OXNAD1: variants seen among roughly 807,000 people sequenced by gnomAD.
OXNAD1 encodes oxidoreductase NAD-binding domain-containing protein 1.
In OXNAD1, 34 loss-of-function variants were observed where a neutral mutation model predicts 32.9. That is an observed-to-expected ratio of 1.03 (90% CI 0.79 to 1.38). The LOEUF is 1.38. Ranked by LOEUF, OXNAD1 falls within the 40% of genes most tolerant of loss-of-function variation. The probability of loss-of-function intolerance (pLI) is 0.00; values close to 1 mark genes in which losing one functional copy is unlikely to be tolerated. For synonymous variants in OXNAD1, 134 were observed against 135.2 expected (o/e 0.99, Z 0.06); for missense variants, 407 against 379.4 (o/e 1.07, Z -0.60).
rs1287345230 is a variant in OXNAD1 at position 16,348,700 on chromosome 3, C to A, written c.*31-476C>A. Among the ~76,000 whole-genome samples the A allele has an allele frequency of 1.3e-5, 2 of 152,212 alleles. No individual in the cohort carries two copies. Among genetic ancestry groups the A allele is most frequent in the Admixed American group, 1.3e-4 (2 of 15,292 alleles). On this transcript the variant is annotated intron_variant, in intron 9 of 9. Transcript: ENST00000606098. This position sits in a 1 kb window ranked among gnomAD's most constrained non-coding sequence, Gnocchi z 6.3. ...CAAAAAGTAGTCACTCTCTTTGAGC[C>A]TATGGAGTTTCCCAGTTCCCTGAGG... is the stretch of plus-strand genomic sequence containing the variant.
rs748436687 is a variant in OXNAD1, at chr3:16,317,241, C to T, written c.*30+13649C>T. ...GAGAATCGCCACTGAAACTAGAAAT[C>T]AGAAAGGATGGGGATAAATAACAAG... On this transcript the variant is annotated intron_variant, in intron 9 of 9. Transcript: ENST00000435829. The surrounding 1 kb of genome is among the most constrained non-coding windows in gnomAD (Gnocchi z 4.3). The T allele has an allele frequency of 3.1e-6, 5 of 1,610,700 alleles. No individual in the cohort carries two copies. The African/African-American group carries it at 5.4e-5, about 17-fold the overall frequency.
chr3:16,274,905 A>G (rs2065212236), intron 4 of OXNAD1, among the ~76,000 whole-genome samples: 1 of 152,362 alleles, frequency 6.6e-6, no homozygotes, highest in Admixed American at 6.5e-5. Context: ...AAAAATGAGC[A>G]TTTTAAGAAC....
rs894014333 is a variant in OXNAD1 at position 16,298,929 on chromosome 3, T to C, written c.433-2697T>C. 1.6e-4 allele frequency among the ~76,000 whole-genome samples: 24 copies of C among 152,328 alleles called. No homozygotes were observed. The highest frequency in any genetic ancestry group is 5.5e-4 in the African/African-American group (23 of 41,586). ...TTCGTGTTACCCTCGCAGTTTTTAT[T>C]GATCAACAAAAAGACAAAGATGGCT... On this transcript the variant is annotated intron_variant, in intron 6 of 8. Transcript: ENST00000285083. This position sits in a 1 kb window ranked among gnomAD's most constrained non-coding sequence, Gnocchi z 5.1.
intron 6 of OXNAD1, among the ~76,000 whole-genome samples, chr3:16,300,091 C>G (rs188723318): frequency 2.6e-5 from 4 of 152,212 alleles, no homozygotes; most frequent in Admixed American, 2.6e-4. Context: ...TCTTTTGACT[C>G]CTAGATCAGT....
At chr3:16,309,141 T>C (rs2067778611), downstream of OXNAD1, among the ~76,000 whole-genome samples, 2 of 151,634 alleles carry the variant, frequency 1.3e-5, no homozygotes, top group South Asian at 2.1e-4. Context: ...ATGTCTCTCT[T>C]TCTTTTAATA....
intron 2 of OXNAD1, 41 bp from the exon 3 acceptor site, chr3:16,270,904 T>C: frequency 6.2e-7 from 1 of 1,612,666 alleles, no homozygotes; most frequent in Non-Finnish European, 8.5e-7. Flanking sequence ...TTCCCCACTT[T>C]TAAAAAAACA....
chr3:16,328,676 G>A lies in OXNAD1; in HGVS notation c.*31-8436G>A, dbSNP rs112840546. On this transcript the variant is annotated intron_variant, in intron 9 of 9. Coordinates refer to the OXNAD1 transcript ENST00000435829. ...CTTGTTAGAAGCCCAGATTCTCAGGGCCCCATCCCAGACCTGATGAATCAG... is the reference window on the plus strand; with the variant it reads ...CTTGTTAGAAGCCCAGATTCTCAGGACCCCATCCCAGACCTGATGAATCAG... Among the ~76,000 whole-genome samples, 1,136 of 152,294 alleles carry A rather than the reference G, an allele frequency of 7.5e-3. 11 individuals are homozygous for A. The highest frequency in any genetic ancestry group is 0.026 in the African/African-American group (1,068 of 41,550).
Position 16,301,952 on chromosome 3 carries a change from C to G in OXNAD1, c.675+84C>G. 1.4e-5 allele frequency: 21 copies of G among 1,513,552 alleles called. No individual in the cohort carries two copies. The highest frequency in any genetic ancestry group is 1.7e-5 in the Non-Finnish European group (19 of 1,125,386). The allele number at this position is 1,513,552 out of a possible 1,614,324, so 93.8% of individuals were successfully genotyped here. On this transcript the variant is annotated intron_variant, in intron 7 of 8. Coordinates refer to ENST00000285083, the MANE Select transcript of OXNAD1 (RefSeq NM_138381.5). The surrounding 1 kb of genome is among the most constrained non-coding windows in gnomAD (Gnocchi z 4.1). ...AAGTTTTTTCTCTAGGTTTTGTTTT[C>G]TCTGCAAAGGTTCAAACAAAAGGCT...
downstream of OXNAD1, among the ~76,000 whole-genome samples, chr3:16,308,528 C>A (rs1289594936): frequency 1.3e-5 from 2 of 152,104 alleles, no homozygotes; most frequent in African/African-American, 4.8e-5. This position sits in a 1 kb window ranked among gnomAD's most constrained non-coding sequence, Gnocchi z 4.4. Context: ...GATAATTTAA[C>A]CTGAGAGCCG....
Position 16,297,205 on chromosome 3 carries a change from G to A in OXNAD1, c.432+2208G>A, listed in dbSNP as rs2066860525. On this transcript the variant is annotated intron_variant, in intron 6 of 8. Transcript: ENST00000285083. The surrounding 1 kb of genome is among the most constrained non-coding windows in gnomAD (Gnocchi z 4.3). The stretch of plus-strand genomic sequence containing the variant: ...TTGAACAGACACTTCAGTAAAAAAG[G>A]ATATGATGATGGCAAATAAGCAATG... Among the ~76,000 whole-genome samples the A allele has an allele frequency of 6.6e-6, 1 of 152,132 alleles. No individual in the cohort carries two copies. The highest frequency in any genetic ancestry group is 1.5e-5 in the Non-Finnish European group (1 of 68,012).
rs183534417 is a variant in OXNAD1 at position 16,289,191 on chromosome 3, G to A, written c.290+2743G>A. Among the ~76,000 whole-genome samples, 44 of 152,290 alleles carry A rather than the reference G, an allele frequency of 2.9e-4. No homozygotes were observed. Among genetic ancestry groups the A allele is most frequent in the Non-Finnish European group, 4.4e-5 (3 of 68,036 alleles). ...TGCTAATAAGTATTTCATTCAGTTA[G>A]ATCATATGTGCTGATAAGGCCCAGG... On this transcript the variant is annotated intron_variant, in intron 5 of 8. Transcript: ENST00000285083. This position sits in a 1 kb window ranked among gnomAD's most constrained non-coding sequence, Gnocchi z 4.9.
In OXNAD1 at chr3:16,335,524, C is replaced by T. The variant is rs1305840305; in HGVS notation, c.*31-1588C>T. On this transcript the variant is annotated intron_variant, in intron 9 of 9. Transcript: ENST00000435829. This position sits in a 1 kb window ranked among gnomAD's most constrained non-coding sequence, Gnocchi z 4.7. ...ACTAACGCAGGAACAGAAAATCAAACACCACATGTTCTCACTTACAAGTGG... is the reference window on the plus strand; with the variant it reads ...ACTAACGCAGGAACAGAAAATCAAATACCACATGTTCTCACTTACAAGTGG... Among the ~76,000 whole-genome samples, 3 of 152,286 alleles carry T rather than the reference C, an allele frequency of 2.0e-5. No individual in the cohort carries two copies. The highest frequency in any genetic ancestry group is 1.9e-4 in the East Asian group (1 of 5,192).
chr3:16,301,526 A>G lies in OXNAD1; in HGVS notation c.433-100A>G. 1 of 1,363,024 alleles carries G rather than the reference A, an allele frequency of 7.3e-7. No individual in the cohort carries two copies. The highest frequency in any genetic ancestry group is 1.0e-6 in the Non-Finnish European group (1 of 994,882). 84.4% of individuals were successfully genotyped at this position (1,363,024 alleles called of 1,614,324 possible). Reference sequence around the variant, plus strand: ...GCAAGCTATAAAAATAGTCTTAAATACTGATAATACAGGAGATAGACCCAG... The same window carrying G: ...GCAAGCTATAAAAATAGTCTTAAATGCTGATAATACAGGAGATAGACCCAG... On this transcript the variant is annotated intron_variant, in intron 6 of 8. Transcript: ENST00000285083. This position sits in a 1 kb window ranked among gnomAD's most constrained non-coding sequence, Gnocchi z 4.1.
Position 16,301,599 on chromosome 3 carries a change from TA to T in OXNAD1, c.433-23del. ...GTTTAAGACCTTTGCTACAAAAGAC[TA>T]AAAGGTCTTTTCTTTCCTGCCTTAG... On this transcript the variant is annotated intron_variant, in intron 6 of 8. Transcript: ENST00000285083. The surrounding 1 kb of genome is among the most constrained non-coding windows in gnomAD (Gnocchi z 4.1). 1 of 1,612,224 alleles carries T rather than the reference TA, an allele frequency of 6.2e-7. No individual in the cohort carries two copies. The highest frequency in any genetic ancestry group is 8.5e-7 in the Non-Finnish European group (1 of 1,178,864).
chr3:16,269,453 C>T (rs960372153), intron 2 of OXNAD1, among the ~76,000 whole-genome samples, 178 bp downstream of exon 2: 3 of 152,166 alleles, frequency 2.0e-5, no homozygotes, highest in Non-Finnish European at 4.4e-5. Flanking sequence ...CTGCAACATA[C>T]TATGACAAGA....
chr3:16,293,082 T>A (rs1363430280), intron 5 of OXNAD1, among the ~76,000 whole-genome samples: 1 of 152,238 alleles, frequency 6.6e-6, no homozygotes, highest in Non-Finnish European at 1.5e-5. Flanking sequence ...TTTTAGTAAG[T>A]ATTGCATTGA....
At chr3:16,323,346 A>C in intron 9 of OXNAD1, 1 of 1,524,004 alleles carries the variant, frequency 6.6e-7, no homozygotes, top group South Asian at 1.1e-5. Context: ...CTGCTGAGGA[A>C]AACCTAGGAA....
In OXNAD1 at chr3:16,336,448, A is replaced by AC. The variant is rs2070856228; in HGVS notation, c.*31-663dup. Among the ~76,000 whole-genome samples, 1 of 152,232 alleles carries AC rather than the reference A, an allele frequency of 6.6e-6. No individual in the cohort carries two copies. On this transcript the variant is annotated intron_variant, in intron 9 of 9. Coordinates refer to the OXNAD1 transcript ENST00000435829. This position sits in a 1 kb window ranked among gnomAD's most constrained non-coding sequence, Gnocchi z 6.0. ...AACAGCAAAGCCCTCTGCAGCCAGC[A>AC]CAGCTGGCCTTCCTCACCCTCAGCC...
At position 16,288,267 on chromosome 3, in the gene OXNAD1, A is replaced by G. The variant is rs2066203402; in HGVS notation, c.290+1819A>G. The stretch of plus-strand genomic sequence containing the variant: ...AAGAGGGCAAGGATTAGGGATAGGA[A>G]GTGAGGATGTGGCTGCCATGCAGTT... On this transcript the variant is annotated intron_variant, in intron 5 of 8. Coordinates refer to ENST00000285083, the MANE Select transcript of OXNAD1 (RefSeq NM_138381.5). The surrounding 1 kb of genome is among the most constrained non-coding windows in gnomAD (Gnocchi z 5.1). 6.6e-6 allele frequency among the ~76,000 whole-genome samples: 1 copy of G among 152,156 alleles called. No individual in the cohort carries two copies. The highest frequency in any genetic ancestry group is 6.6e-5 in the Admixed American group (1 of 15,262).
Sources: allele counts gnomAD v4.1 joint callset (sites outside exome capture counted in the v4.1 genomes callset), GRCh38; gene constraint gnomAD v4.1.1; non-coding constraint Gnocchi (gnomAD v3.1); transcripts MANE v1.5; gene names NCBI Gene and HGNC (gene_info 2026-07-23, HGNC 2026-07-21).